STK32B: variants seen among roughly 807,000 people sequenced by gnomAD.
The protein encoded by STK32B is serine/threonine-protein kinase 32B.
In STK32B, 43 loss-of-function variants were observed where a neutral mutation model predicts 52.6. The ratio of observed to expected loss-of-function variants is 0.82; its 90% CI spans 0.64 to 1.05. The LOEUF (loss-of-function observed/expected upper bound fraction) is 1.05, where lower values mean the gene tolerates loss of function less well. STK32B is among the 50% of genes least tolerant of loss of function. The pLI is 0.00. For synonymous variants in STK32B, 238 were observed against 204.3 expected (o/e 1.17, Z -1.41); for missense variants, 621 against 534.6 (o/e 1.16, Z -1.59).
chr4:5,369,058 T>G (rs1735063206), intron 4 of STK32B, among the ~76,000 whole-genome samples: 1 of 152,018 alleles, frequency 6.6e-6, no homozygotes, highest in South Asian at 2.1e-4. Flanking sequence ...TGTGATTGTG[T>G]GACTGGGTCC....
intron 11 of STK32B, among the ~76,000 whole-genome samples, chr4:5,468,287 C>G (rs773300233): frequency 5.3e-5 from 8 of 152,200 alleles, no homozygotes; most frequent in Non-Finnish European, 8.8e-5. Flanking sequence ...CTGAGCCAGT[C>G]TCTGGGAGCT....
At chr4:5,100,091 T>C (rs1463855577) in intron 1 of STK32B, among the ~76,000 whole-genome samples, 1 of 152,036 alleles carries the variant, frequency 6.6e-6, no homozygotes, top group Non-Finnish European at 1.5e-5. Context: ...GTGGAATGAC[T>C]TGCCAAGGCC....
intron 3 of STK32B, among the ~76,000 whole-genome samples, chr4:5,313,549 A>T (rs1294325614): frequency 6.6e-6 from 1 of 152,154 alleles, no homozygotes; most frequent in Non-Finnish European, 1.5e-5. Flanking sequence ...TAGATTAGAA[A>T]AGAGAAAATA....
chr4:5,067,635 T>C (rs1742474616), intron 1 of STK32B, among the ~76,000 whole-genome samples: 2 of 152,126 alleles, frequency 1.3e-5, no homozygotes, highest in East Asian at 3.9e-4. Flanking sequence ...TGATCTTTAT[T>C]TTTATTTTTA....
At chr4:5,093,833 T>C (rs537419946) in intron 1 of STK32B, among the ~76,000 whole-genome samples, 92 of 152,332 alleles carry the variant, frequency 6.0e-4, no homozygotes, top group Non-Finnish European at 9.3e-4. Flanking sequence ...TCATGTTTAG[T>C]GCAATACTTT....
chr4:5,144,784 T>TCATTCATTCATCCATC (rs1553835869), intron 2 of STK32B, among the ~76,000 whole-genome samples: 91 of 95,698 alleles, frequency 9.5e-4, no homozygotes, highest in East Asian at 2.8e-3. Context: ...ACTCATTCAC[T>TCATTCATTCATCCATC]CATCCATCCA....
intron 3 of STK32B, among the ~76,000 whole-genome samples, chr4:5,176,095 T>C (rs1348647803): frequency 6.6e-6 from 1 of 152,248 alleles, no homozygotes; most frequent in African/African-American, 2.4e-5. Context: ...TAGGACCCTC[T>C]GAGCCATGTG....
At chr4:5,189,342 C>T (rs1347012518) in intron 3 of STK32B, among the ~76,000 whole-genome samples, 1 of 152,222 alleles carries the variant, frequency 6.6e-6, no homozygotes, top group Non-Finnish European at 1.5e-5. Context: ...CTGGCAACAA[C>T]TGATCTTTTC....
chr4:5,312,892 T>A lies in STK32B; in HGVS notation c.261-18328T>A, dbSNP rs569548206. Among the ~76,000 whole-genome samples, 246 of 152,150 alleles carry A rather than the reference T, an allele frequency of 1.6e-3. 1 individual carries two copies. The highest frequency in any genetic ancestry group is 5.7e-3 in the African/African-American group (235 of 41,522). ...CTTCCACAATGGATGGTTGAACTAG[T>A]TTACAGTCCCACCAACAGTGTAAAA... is the stretch of plus-strand genomic sequence containing the variant. On this transcript the variant is annotated intron_variant, in intron 3 of 11. Transcript: ENST00000282908.
intron 4 of STK32B, among the ~76,000 whole-genome samples, chr4:5,384,120 G>A (rs939416811): frequency 3.9e-5 from 6 of 152,216 alleles, no homozygotes; most frequent in African/African-American, 4.8e-5. Flanking sequence ...GACCAGTGCA[G>A]CCAGACGAAG....
intron 7 of STK32B, among the ~76,000 whole-genome samples, chr4:5,455,210 G>A (rs760211844): frequency 1.3e-5 from 2 of 152,210 alleles, no homozygotes; most frequent in Non-Finnish European, 2.9e-5. Context: ...ACCAAGGATC[G>A]GGACCCCTCG....
chr4:5,094,210 G>A (rs1175979270), intron 1 of STK32B, among the ~76,000 whole-genome samples: 1 of 152,196 alleles, frequency 6.6e-6, no homozygotes, highest in Admixed American at 6.5e-5. Context: ...TAAAGCAAAA[G>A]GAAGGCGAAG....
At chr4:5,320,772 A>G (rs868731147) in intron 3 of STK32B, among the ~76,000 whole-genome samples, 1 of 152,202 alleles carries the variant, frequency 6.6e-6, no homozygotes, top group Non-Finnish European at 1.5e-5. Flanking sequence ...AACACTTGAC[A>G]TATTAGCAGA....
intron 3 of STK32B, among the ~76,000 whole-genome samples, chr4:5,317,671 G>T (rs1731196398): frequency 6.7e-6 from 1 of 149,182 alleles, no homozygotes; most frequent in Admixed American, 6.8e-5. Context: ...TTCCAGGGAG[G>T]TCAGACAAGG....
chr4:5,206,866 T>G (rs1397489926), intron 3 of STK32B, among the ~76,000 whole-genome samples: 2 of 152,226 alleles, frequency 1.3e-5, no homozygotes, highest in African/African-American at 4.8e-5. Context: ...CTCCTACTTA[T>G]GCAAATCATT....
rs1268800735 is a variant in STK32B, at chr4:5,396,201, C to T, written c.435-2006C>T. 6.6e-6 allele frequency among the ~76,000 whole-genome samples: 1 copy of T among 152,238 alleles called. No individual in the cohort carries two copies. Among genetic ancestry groups the T allele is most frequent in the African/African-American group, 2.4e-5 (1 of 41,462 alleles). ...AAGAGGAGTCATGGCTGTGCTTCCT[C>T]TGGAGGTTCAGGAGAGAATCCGCCC... is the stretch of plus-strand genomic sequence containing the variant. On this transcript the variant is annotated intron_variant, in intron 4 of 11. Coordinates refer to ENST00000282908, the MANE Select transcript of STK32B (RefSeq NM_018401.3). The surrounding 1 kb of genome is among the most constrained non-coding windows in gnomAD (Gnocchi z 4.7).
At chr4:5,449,250 G>A (rs1715759763) in intron 7 of STK32B, among the ~76,000 whole-genome samples, 1 of 152,294 alleles carries the variant, frequency 6.6e-6, no homozygotes, top group Middle Eastern at 3.4e-3. Context: ...GTCTGAGGCA[G>A]GAGAATTGCT....
intron 1 of STK32B, among the ~76,000 whole-genome samples, chr4:5,083,708 T>A (rs1236937086): frequency 6.6e-6 from 1 of 152,100 alleles, no homozygotes; most frequent in Non-Finnish European, 1.5e-5. Context: ...TCTATTTTGC[T>A]TCCTTAGATA....
At chr4:5,096,519 A>T (rs1249811233) in intron 1 of STK32B, among the ~76,000 whole-genome samples, 2 of 149,016 alleles carry the variant, frequency 1.3e-5, no homozygotes, top group Non-Finnish European at 3.0e-5. Flanking sequence ...ACATCCTCTC[A>T]ATTAGACTCC....
Sources: allele counts gnomAD v4.1 joint callset (sites outside exome capture counted in the v4.1 genomes callset), GRCh38; gene constraint gnomAD v4.1.1; non-coding constraint Gnocchi (gnomAD v3.1); transcripts MANE v1.5; gene names NCBI Gene and HGNC (gene_info 2026-07-23, HGNC 2026-07-21).